Variants in PLCE1 observed in about 807,000 individuals in gnomAD.
PLCE1 encodes 1-phosphatidylinositol 4,5-bisphosphate phosphodiesterase epsilon-1.
A neutral mutation model predicts 242.8 loss-of-function variants in PLCE1; 119 were observed. The ratio of observed to expected loss-of-function variants is 0.49; its 90% confidence interval spans 0.42 to 0.57. PLCE1 has a LOEUF of 0.57. PLCE1 is among the 20% of genes least tolerant of loss of function. PLCE1 has a pLI of 0.00. For missense variants in PLCE1, 2,441 were observed against 2,788.8 expected (o/e 0.88, Z 2.81); for synonymous variants, 945 against 1,017.4 (o/e 0.93, Z 1.35).
intron 2 of PLCE1, among the ~76,000 whole-genome samples, chr10:94,062,267 G>T (rs1287805729): frequency 6.6e-6 from 1 of 152,004 alleles, no homozygotes; most frequent in Non-Finnish European, 1.5e-5. Context: ...TAAATGGTTA[G>T]ACTCCTTCCT....
Position 94,324,387 on chromosome 10 carries a change from C to A in PLCE1, c.6540C>A (p.Ser2180Arg), listed in dbSNP as rs773797305. The A allele has an allele frequency of 5.0e-6, 8 of 1,614,152 alleles. No individual in the cohort carries two copies. The highest frequency in any genetic ancestry group is 1.7e-5 in the Admixed American group (1 of 60,028). The change falls in exon 31 of 33, where the codon AGC (serine) becomes AGA (arginine). Residue 2180 changes from serine (S) to arginine (R), a missense_variant. Physicochemically the swap from Ser to Arg is moderately radical, Grantham distance 110 (BLOSUM62 -1). Transcript: ENST00000371380. The stretch of plus-strand genomic sequence containing the variant: ...CCAAATATTCCTACAGCATCCTGAG[C>A]AACCCCAATCCAAGCGACTATGTGC... ...CKAKYSYSIL[S>R]NPNPSDYVLL... is the part of the protein sequence containing the mutation.
At chr10:94,137,187 C>T (rs1280477796) in intron 3 of PLCE1, among the ~76,000 whole-genome samples, 2 of 151,650 alleles carry the variant, frequency 1.3e-5, no homozygotes, top group Admixed American at 6.6e-5. Context: ...AGCAAGACTC[C>T]ATCTCAAAAA....
rs78480783 is a variant in PLCE1, at chr10:94,269,264, G to C, written c.4389+228G>C. 0.012 allele frequency among the ~76,000 whole-genome samples: 1,784 copies of C among 151,856 alleles called. 52 individuals carry two copies. Among genetic ancestry groups the C allele is most frequent in the African/African-American group, 0.041 (1,703 of 41,412 alleles). ...TTACAAGCCCATACCATCAAGCCCA[G>C]CCAATTTTTGTATTTCCAGTAGAGA... On this transcript the variant is annotated intron_variant, in intron 17 of 32. Coordinates refer to ENST00000371380, the MANE Select transcript of PLCE1 (RefSeq NM_016341.4).
In PLCE1 at chr10:94,249,436, A is replaced by AC. The variant is rs397722123; in HGVS notation, c.3096+2816dup. ...AGATGCCCTAAAGTTAAAAAAAAAA[A>AC]CTATTTAAATTTACCTATAAGCTAA... On this transcript the variant is annotated intron_variant, in intron 8 of 32. Transcript: ENST00000371380. Among the ~76,000 whole-genome samples the AC allele has an allele frequency of 4.0e-5, 6 of 151,804 alleles. No homozygotes were observed. The South Asian group carries it at 1.3e-3, about 32-fold the overall frequency.
chr10:94,200,624 T>C (rs2797998), intron 4 of PLCE1, among the ~76,000 whole-genome samples: 104,770 of 152,024 alleles, frequency 0.69, 37,583 homozygotes, highest in South Asian at 0.81. Flanking sequence ...ACTCCCTACT[T>C]GTTAAAGTAT....
At chr10:94,225,213 A>C (rs1295692033) in intron 4 of PLCE1, 1 of 152,198 alleles carries the variant, frequency 6.6e-6, no homozygotes, top group Non-Finnish European at 1.5e-5. Context: ...GTTTCTATGT[A>C]GGGATAGGAA....
intron 30 of PLCE1, among the ~76,000 whole-genome samples, chr10:94,323,927 A>G (rs1356025089): frequency 1.3e-5 from 2 of 152,230 alleles, no homozygotes; most frequent in African/African-American, 4.8e-5. Context: ...AGACTCTGTG[A>G]TAGAGATAGC....
chr10:94,255,952 T>TCTCTCC (rs2051074569), intron 11 of PLCE1, among the ~76,000 whole-genome samples: 1 of 118,902 alleles, frequency 8.4e-6, no homozygotes, highest in African/African-American at 3.1e-5. Flanking sequence ...TCTCTCTCTC[T>TCTCTCC]CTCTCCCCAC....
At chr10:94,207,700 G>A (rs772659559) in intron 4 of PLCE1, among the ~76,000 whole-genome samples, 2 of 152,238 alleles carry the variant, frequency 1.3e-5, no homozygotes, top group Non-Finnish European at 2.9e-5. Flanking sequence ...GGAGAAAATG[G>A]CTGATGCCAT....
In PLCE1 at chr10:94,234,192, T is replaced by C. The variant is rs1336883060; in HGVS notation, c.2094T>C (p.Pro698=). 1 of 1,614,196 alleles carries C rather than the reference T, an allele frequency of 6.2e-7. No homozygotes were observed. The highest frequency in any genetic ancestry group is 2.2e-5 in the East Asian group (1 of 44,862). ...RKVVTRALHI[P]GCKVVPFCGV... is the part of the protein sequence containing the mutation. ...TGGTGACACGTGCCCTGCACATCCC[T>C]GGCTGTAAGGTGGTTCCATTCTGTG... The change falls in exon 6 of 33, where the codon CCT becomes CCC. Residue 698 remains proline (P), a synonymous_variant. Coordinates refer to ENST00000371380, the MANE Select transcript of PLCE1 (RefSeq NM_016341.4).
At chr10:94,013,610 T>C (rs551304060) in intron 1 of PLCE1, among the ~76,000 whole-genome samples, 8 of 152,304 alleles carry the variant, frequency 5.3e-5, no homozygotes, top group Admixed American at 3.9e-4. Context: ...GAATGGGCAG[T>C]AAACACAAGT....
chr10:94,256,793 C>G (rs2051117820), intron 11 of PLCE1, among the ~76,000 whole-genome samples: 3 of 152,124 alleles, frequency 2.0e-5, no homozygotes, highest in South Asian at 4.2e-4. Context: ...AGCACCCACT[C>G]AAGTGTTTTA....
chr10:94,060,047 A>G (rs990341477), intron 2 of PLCE1, among the ~76,000 whole-genome samples: 3 of 152,242 alleles, frequency 2.0e-5, no homozygotes, highest in Non-Finnish European at 4.4e-5. Context: ...GCAGAAAACA[A>G]TATCCACATG....
intron 20 of PLCE1, among the ~76,000 whole-genome samples, chr10:94,281,326 A>G (rs1161019636): frequency 6.6e-6 from 1 of 152,158 alleles, no homozygotes; most frequent in Non-Finnish European, 1.5e-5. Flanking sequence ...TGTACTTCTG[A>G]GAATAAGAAA....
chr10:94,134,669 G>A (rs954510082), intron 3 of PLCE1, among the ~76,000 whole-genome samples: 4 of 152,178 alleles, frequency 2.6e-5, no homozygotes, highest in South Asian at 2.1e-4. Flanking sequence ...AGGCAGGCAC[G>A]CCTCTAGTCT....
At chr10:94,324,252 G>A in intron 30 of PLCE1, 97 bp from the exon 31 acceptor site, 1 of 940,844 alleles carries the variant, frequency 1.1e-6, no homozygotes, top group Non-Finnish European at 1.8e-6. Flanking sequence ...TTCATCTCTA[G>A]TCTGGGCCAT....
chr10:94,232,514 T>C (rs978297582), intron 5 of PLCE1, among the ~76,000 whole-genome samples: 2 of 152,156 alleles, frequency 1.3e-5, no homozygotes, highest in African/African-American at 2.4e-5. Context: ...GGGGCAGTTG[T>C]AATCTGGCCT....
At chr10:94,280,981 C>A (rs930980098) in intron 20 of PLCE1, among the ~76,000 whole-genome samples, 1 of 152,192 alleles carries the variant, frequency 6.6e-6, no homozygotes, top group Non-Finnish European at 1.5e-5. Context: ...TTGCTCCATA[C>A]CACCAATTAA....
Position 94,293,963 on chromosome 10 carries a change from C to T in PLCE1, c.5167+324C>T, listed in dbSNP as rs193117909. Among the ~76,000 whole-genome samples the T allele has an allele frequency of 6.4e-3, 966 of 151,906 alleles. 4 individuals are homozygous for T. Among genetic ancestry groups the T allele is most frequent in the Middle Eastern group, 0.01 (3 of 294 alleles). ...CTCTATTAAAAATACAAAAAGTAGC[C>T]GGGTGTGGTAGTGCACACCTGTAAT... On this transcript the variant is annotated intron_variant, in intron 23 of 32. Transcript: ENST00000371380.
Sources: allele counts gnomAD v4.1 joint callset (sites outside exome capture counted in the v4.1 genomes callset), GRCh38; gene constraint gnomAD v4.1.1; transcripts MANE v1.5; gene names NCBI Gene and HGNC (gene_info 2026-07-23, HGNC 2026-07-21).